KRT20: variants seen among roughly 807,000 people sequenced by gnomAD.
The protein encoded by KRT20 is keratin 20.
A neutral mutation model predicts 43.0 loss-of-function variants in KRT20; 41 were observed. That is an observed-to-expected ratio of 0.95 (90% confidence interval 0.74 to 1.24). The LOEUF is 1.24. Ranked by LOEUF, KRT20 falls within the 50% of genes most tolerant of loss-of-function variation. The probability of loss-of-function intolerance (pLI) is 0.00; values close to 1 mark genes in which losing one functional copy is unlikely to be tolerated. For synonymous variants in KRT20, 207 were observed against 200.6 expected (o/e 1.03, Z -0.27); for missense variants, 533 against 521.2 (o/e 1.02, Z -0.22).
At chr17:40,881,840 A>T (rs1907611874) in intron 2 of KRT20, among the ~76,000 whole-genome samples, 1 of 151,462 alleles carries the variant, frequency 6.6e-6, no homozygotes, top group Admixed American at 6.6e-5. Context: ...AAGAAAGTGA[A>T]CACAATTTTT....
chr17:40,878,138 G>A lies in KRT20; in HGVS notation c.1139+7C>T. The A allele has an allele frequency of 6.2e-7, 1 of 1,608,962 alleles. No homozygotes were observed. The highest frequency in any genetic ancestry group is 8.5e-7 in the Non-Finnish European group (1 of 1,175,360). ...TGACACCTATTCCTTGATTCTAAGAGCCTTACTTTACGTCTTCTCCTTCCA... is the reference window on the plus strand; with the variant it reads ...TGACACCTATTCCTTGATTCTAAGAACCTTACTTTACGTCTTCTCCTTCCA... On this transcript the variant is annotated splice_region_variant and intron_variant, in intron 6 of 7. Transcript: ENST00000167588.
chr17:40,879,676 G>A, intron 5 of KRT20, 137 bp downstream of exon 5: 1 of 871,434 alleles, frequency 1.1e-6, no homozygotes, highest in Non-Finnish European at 1.7e-6. Flanking sequence ...ATTATAATCA[G>A]TTGTTCGGCC....
Position 40,877,419 on chromosome 17 carries a change from TG to T in KRT20, c.1140-3del. 1 of 1,498,338 alleles carries T rather than the reference TG, an allele frequency of 6.7e-7. No individual in the cohort carries two copies. The highest frequency in any genetic ancestry group is 8.9e-7 in the Non-Finnish European group (1 of 1,127,688). 92.8% of individuals were successfully genotyped at this position (1,498,338 alleles called of 1,614,324 possible). A position where few individuals can be genotyped will look rare whatever the true frequency, so the allele number is the denominator to read the frequency against. ...GTGCTTAACTGATATTCTGTAGTTC[TG>T]TTTTTTTTTTTAATGAAAAGAAGAA... On this transcript the variant is annotated splice_region_variant and splice_polypyrimidine_tract_variant and intron_variant, in intron 6 of 7. Transcript: ENST00000167588.
At position 40,882,604 on chromosome 17, in the gene KRT20, A is replaced by T; in HGVS notation, c.441T>A (p.Asn147Lys). The T allele has an allele frequency of 1.9e-6, 3 of 1,573,932 alleles. No individual in the cohort carries two copies. Among genetic ancestry groups the T allele is most frequent in the Non-Finnish European group, 8.6e-7 (1 of 1,158,358 alleles). Residue 147 changes from asparagine (N) to lysine (K), a missense_variant, in exon 2 of 8, where the codon AAT (asparagine) becomes AAA (lysine). Coordinates refer to ENST00000167588, the MANE Select transcript of KRT20 (RefSeq NM_019010.3). ...TGAAGTCCTCAGCAGCCAGTTTAGC[A>T]TTATCAATTTGCAGGACACACCGAG... ...QNARCVLQID[N>K]AKLAAEDFRL...
Position 40,880,197 on chromosome 17 carries a change from C to A in KRT20, c.695G>T (p.Gly232Val). 1 of 1,614,078 alleles carries A rather than the reference C, an allele frequency of 6.2e-7. No individual in the cohort carries two copies. The highest frequency in any genetic ancestry group is 8.5e-7 in the Non-Finnish European group (1 of 1,180,004). The change falls in exon 4 of 8, where the codon GGC (glycine) becomes GTC (valine). Residue 232 changes from glycine (G) to valine (V), a missense_variant. Physicochemically the swap from Gly to Val is moderately radical, Grantham distance 109. Coordinates refer to ENST00000167588, the MANE Select transcript of KRT20 (RefSeq NM_019010.3). The part of the protein sequence containing the change: ...TVNVEVDAAP[G>V]LNLGVIMNEM... The stretch of plus-strand genomic sequence containing the variant: ...ATTCATGATGACGCCAAGGTTCAGG[C>A]CTGGAGCAGCATCAACCTCCACATT...
intron 6 of KRT20, 135 bp from the exon 7 acceptor site, chr17:40,877,552 C>T: frequency 1.9e-6 from 1 of 520,190 alleles, no homozygotes; most frequent in Non-Finnish European, 3.2e-6. Flanking sequence ...TATATCTTTC[C>T]CTTTTACATT....
chr17:40,878,079 A>G (rs1305219928), intron 6 of KRT20, 66 bp downstream of exon 6: 1 of 1,304,462 alleles, frequency 7.7e-7, no homozygotes, highest in African/African-American at 1.5e-5. Context: ...GTAATGAGTG[A>G]CAGGGACATT....
At position 40,880,252 on chromosome 17, in the gene KRT20, C is replaced by T; in HGVS notation, c.640G>A (p.Gly214Ser). 1 of 1,596,204 alleles carries T rather than the reference C, an allele frequency of 6.3e-7. No homozygotes were observed. Among genetic ancestry groups the T allele is most frequent in the Non-Finnish European group, 8.5e-7 (1 of 1,170,286 alleles). ...GTGTTGCCCAGATGCTTGTGTAGGC[C>T]ATCGACTTCCTATGAAAGTGAAATT... The part of the protein sequence containing the change: ...LKKEHQEEVD[G>S]LHKHLGNTVN... The change falls in exon 4 of 8, where the codon GGC (glycine) becomes AGC (serine). Residue 214 changes from glycine (G) to serine (S), a missense_variant. Transcript: ENST00000167588.
chr17:40,879,037 A>G (rs964026665), intron 5 of KRT20, among the ~76,000 whole-genome samples: 3 of 152,090 alleles, frequency 2.0e-5, no homozygotes, highest in Non-Finnish European at 2.9e-5. Context: ...CTGACCTCAA[A>G]TGATCCTCCT....
At chr17:40,879,747 A>C in intron 5 of KRT20, 66 bp downstream of exon 5, 2 of 1,569,224 alleles carry the variant, frequency 1.3e-6, no homozygotes, top group Non-Finnish European at 1.7e-6. Context: ...GCATTTCTAT[A>C]GTTCCTAACA....
intron 7 of KRT20, 61 bp downstream of exon 7, chr17:40,877,319 G>T (rs1323990946): frequency 3.5e-6 from 4 of 1,133,834 alleles, no homozygotes; most frequent in African/African-American, 3.3e-5. Context: ...TTTATCAGTG[G>T]CATGTAGTTA....
At chr17:40,878,012 G>A (rs113228824) in intron 6 of KRT20, 133 bp downstream of exon 6, 26 of 768,968 alleles carry the variant, frequency 3.4e-5, no homozygotes, top group Admixed American at 9.1e-5. Context: ...TTTGTTGTTC[G>A]TGGTGAGGCA....
chr17:40,878,378 G>C lies in KRT20; in HGVS notation c.919-13C>G. 1 of 1,586,744 alleles carries C rather than the reference G, an allele frequency of 6.3e-7. No individual in the cohort carries two copies. The highest frequency in any genetic ancestry group is 1.3e-5 in the African/African-American group (1 of 74,224). ...CCAAAGACTCTTTCTATGAGCACAA[G>C]AAAAATAGGGCACTTCTTATGTGAG... On this transcript the variant is annotated splice_polypyrimidine_tract_variant and intron_variant, in intron 5 of 7. Transcript: ENST00000167588.
Position 40,880,477 on chromosome 17 carries a change from T to C in KRT20, c.630+137A>G, listed in dbSNP as rs931488593. The stretch of plus-strand genomic sequence containing the variant: ...TGAAAAGAAGGTAGGGCTTGTATCA[T>C]TATTGTCATCGTCATCATCTCTGTC... On this transcript the variant is annotated intron_variant, in intron 3 of 7. Transcript: ENST00000167588. 8.4e-6 allele frequency: 7 copies of C among 835,090 alleles called. No homozygotes were observed. In the African/African-American group the frequency reaches 1.2e-4, roughly 14 times the overall value. The allele number at this position is 835,090 out of a possible 1,614,324, so 51.7% of individuals were successfully genotyped here. A position where few individuals can be genotyped will look rare whatever the true frequency, so the allele number is the denominator to read the frequency against.
In KRT20 at chr17:40,880,184, G is replaced by A. The variant is rs375732673; in HGVS notation, c.708C>T (p.Gly236=). ...TCTGCCTCATTTCATTCATGATGACGCCAAGGTTCAGGCCTGGAGCAGCAT... is the reference window on the plus strand; with the variant it reads ...TCTGCCTCATTTCATTCATGATGACACCAAGGTTCAGGCCTGGAGCAGCAT... ...EVDAAPGLNL[G]VIMNEMRQKY... The change falls in exon 4 of 8, where the codon GGC becomes GGT. Residue 236 remains glycine (G), a synonymous_variant. Coordinates refer to ENST00000167588, the MANE Select transcript of KRT20 (RefSeq NM_019010.3). 1.4e-5 allele frequency: 22 copies of A among 1,613,902 alleles called. No homozygotes were observed. Among genetic ancestry groups the A allele is most frequent in the African/African-American group, 2.7e-5 (2 of 74,854 alleles).
chr17:40,876,796 G>C (rs1567750644), intron 7 of KRT20, among the ~76,000 whole-genome samples: 1 of 152,174 alleles, frequency 6.6e-6, no homozygotes, highest in African/African-American at 2.4e-5. Context: ...CCATTCTGAG[G>C]AGTGTGCCCA....
chr17:40,880,657 T>G lies in KRT20; in HGVS notation c.587A>C (p.Glu196Ala), dbSNP rs547400111. Residue 196 changes from glutamate (E) to alanine (A), a missense_variant, in exon 3 of 8, where the codon GAA (glutamate) becomes GCA (alanine). Coordinates refer to ENST00000167588, the MANE Select transcript of KRT20 (RefSeq NM_019010.3). ...GAGGAGAGCTAGGTCTTTATTCAGT[T>G]CTTCAATTTGAATCTCCAAATCTGT... ...HKTDLEIQIE[E>A]LNKDLALLKK... 27 of 1,613,112 alleles carry G rather than the reference T, an allele frequency of 1.7e-5. No homozygotes were observed. Among genetic ancestry groups the G allele is most frequent in the Non-Finnish European group, 2.3e-5 (27 of 1,179,756 alleles).
chr17:40,880,618 T>A lies in KRT20; in HGVS notation c.626A>T (p.Gln209Leu). Residue 209 changes from glutamine (Q) to leucine (L), a missense_variant, in exon 3 of 8, where the codon CAG (glutamine) becomes CTG (leucine). By Grantham distance (113) the Gln-to-Leu change is moderately radical. Coordinates refer to ENST00000167588, the MANE Select transcript of KRT20 (RefSeq NM_019010.3). Reference protein sequence around the residue: ...KDLALLKKEHQEEVDGLHKHL... With the variant: ...KDLALLKKEHLEEVDGLHKHL... ...CACTTCTGAATATTTTCTCACCTCC[T>A]GATGCTCCTTTTTGAGGAGAGCTAG... 1 of 1,612,954 alleles carries A rather than the reference T, an allele frequency of 6.2e-7. No homozygotes were observed. The highest frequency in any genetic ancestry group is 8.5e-7 in the Non-Finnish European group (1 of 1,179,472).
Position 40,879,880 on chromosome 17 carries a change from ACCTCAGT to A in KRT20, c.844_850del (p.Thr282PhefsTer3). On this transcript the variant is annotated frameshift_variant, in exon 5 of 8. Coordinates refer to ENST00000167588, the MANE Select transcript of KRT20 (RefSeq NM_019010.3). LOFTEE classifies it high-confidence loss of function. The stretch of plus-strand genomic sequence containing the variant: ...GGTGCGTCTCAGCTCCGTTAGTTGA[ACCTCAGT>A]TCCTTTTAATTCTTCAGTATTCACT... The A allele has an allele frequency of 4.3e-6, 7 of 1,613,582 alleles. No individual in the cohort carries two copies. Among genetic ancestry groups the A allele is most frequent in the Non-Finnish European group, 5.9e-6 (7 of 1,179,932 alleles).
Sources: allele counts gnomAD v4.1 joint callset (sites outside exome capture counted in the v4.1 genomes callset), GRCh38; gene constraint gnomAD v4.1.1; transcripts MANE v1.5; gene names NCBI Gene and HGNC (gene_info 2026-07-23, HGNC 2026-07-21).